OBP2B: variants seen among roughly 807,000 people sequenced by gnomAD.
OBP2B encodes the protein odorant binding protein 2B, also known as odorant-binding protein 2b.
Under a neutral mutation model 21.7 loss-of-function variants are expected in OBP2B, and 10 were observed. That is an observed-to-expected ratio of 0.46 (90% CI 0.28 to 0.78). OBP2B has a LOEUF of 0.78. Among genes scored for constraint, OBP2B ranks in the 30% least tolerant of loss-of-function variants. The probability of loss-of-function intolerance (pLI) is 0.11; values close to 1 mark genes in which losing one functional copy is unlikely to be tolerated. For missense variants in OBP2B, 153 were observed against 217.7 expected, an observed-to-expected ratio of 0.70 and a Z score of 1.87; for synonymous variants, 73 against 91.5, an observed-to-expected ratio of 0.80 and a Z score of 1.16.
At chr9:133,212,850 G>A (rs1163479335), upstream of OBP2B, among the ~76,000 whole-genome samples, 2 of 152,120 alleles carry the variant, frequency 1.3e-5, no homozygotes, top group African/African-American at 4.8e-5. Context: ...AGAATCACTT[G>A]AACCCGGGAG....
upstream of OBP2B, among the ~76,000 whole-genome samples, chr9:133,212,790 G>T (rs1449831480): frequency 3.3e-5 from 5 of 151,968 alleles, no homozygotes; most frequent in Non-Finnish European, 5.9e-5. Context: ...AACTAGCTGA[G>T]TGTGGTGGTG....
upstream of OBP2B, among the ~76,000 whole-genome samples, chr9:133,211,152 C>T (rs1164107426): frequency 6.6e-6 from 1 of 151,918 alleles, no homozygotes; most frequent in Admixed American, 6.6e-5. Context: ...GATGGCACCA[C>T]CAAACAAGCA....
the OBP2B span, among the ~76,000 whole-genome samples, chr9:133,218,770 G>A: frequency 1.3e-5 from 2 of 152,084 alleles, no homozygotes; most frequent in African/African-American, 4.8e-5. Flanking sequence ...CGGCGTGGAC[G>A]GGACACAGAT....
At position 133,208,463 on chromosome 9, in the gene OBP2B, A is replaced by G. The variant is rs1833816576; in HGVS notation, c.206+6T>C. 2 of 1,613,114 alleles carry G rather than the reference A, an allele frequency of 1.2e-6. No individual in the cohort carries two copies. Among genetic ancestry groups the G allele is most frequent in the Admixed American group, 1.7e-5 (1 of 59,944 alleles). On this transcript the variant is annotated splice_donor_region_variant and intron_variant, in intron 2 of 6. Coordinates refer to ENST00000372034, the MANE Select transcript of OBP2B (RefSeq NM_014581.4). ...CCTGAGGGGCCCTGCAGTGGGCAACACTCACATGAAGGTGAACGTGGCTTC... is the reference window on the plus strand; with the variant it reads ...CCTGAGGGGCCCTGCAGTGGGCAACGCTCACATGAAGGTGAACGTGGCTTC...
chr9:133,215,842 T>G, the OBP2B span, among the ~76,000 whole-genome samples: 1 of 152,238 alleles, frequency 6.6e-6, no homozygotes, highest in Non-Finnish European at 1.5e-5. Context: ...ATAGCTTTTG[T>G]AGCAAATGGG....
intron 4 of OBP2B, 85 bp from the exon 5 acceptor site, chr9:133,206,501 GCCCAGCACCAGGA>G: frequency 7.1e-6 from 11 of 1,560,146 alleles, no homozygotes; most frequent in Non-Finnish European, 9.6e-6. Context: ...GACGACCACG[GCCCAGCACCAGGA>G]CAGGGGGAGA....
upstream of OBP2B, among the ~76,000 whole-genome samples, chr9:133,210,518 C>A (rs1833895359): frequency 6.6e-6 from 1 of 152,018 alleles, no homozygotes; most frequent in Admixed American, 6.5e-5. Context: ...AGCAAACAGG[C>A]TGGAGTCTCT....
At chr9:133,221,683 T>A in the OBP2B span, among the ~76,000 whole-genome samples, 1 of 152,232 alleles carries the variant, frequency 6.6e-6, no homozygotes, top group Non-Finnish European at 1.5e-5. Flanking sequence ...CATCCTGGCC[T>A]TAGAATAATA....
At chr9:133,214,983 C>T in the OBP2B span, among the ~76,000 whole-genome samples, 191 of 152,266 alleles carry the variant, frequency 1.3e-3, no homozygotes, top group Non-Finnish European at 2.3e-3. Context: ...TCTGCATCTG[C>T]AGATGACATG....
the OBP2B span, among the ~76,000 whole-genome samples, chr9:133,222,641 T>C: frequency 2.6e-5 from 4 of 152,002 alleles, no homozygotes; most frequent in Admixed American, 2.0e-4. Context: ...GGCAGGAGAA[T>C]TGCTTGAACC....
upstream of OBP2B, among the ~76,000 whole-genome samples, chr9:133,212,503 T>C (rs782015860): frequency 5.9e-5 from 9 of 152,222 alleles, no homozygotes; most frequent in Non-Finnish European, 1.2e-4. Flanking sequence ...AATCTAACTA[T>C]AAATCAATGC....
the OBP2B span, among the ~76,000 whole-genome samples, chr9:133,216,925 A>G: frequency 1.1e-3 from 164 of 152,218 alleles, no homozygotes; most frequent in African/African-American, 3.8e-3. Flanking sequence ...GGAATCTACA[A>G]TGTCTCAGGG....
chr9:133,220,006 A>C, the OBP2B span, among the ~76,000 whole-genome samples: 1 of 152,262 alleles, frequency 6.6e-6, no homozygotes, highest in South Asian at 2.1e-4. Context: ...TAAGGGAAAG[A>C]AACCAGGCAT....
chr9:133,205,606 G>A, intron 6 of OBP2B, 195 bp from the exon 7 acceptor site: 1 of 605,816 alleles, frequency 1.7e-6, no homozygotes, highest in Non-Finnish European at 2.9e-6. Flanking sequence ...GTGGGGAGTG[G>A]ACCGCGTGGG....
the OBP2B span, among the ~76,000 whole-genome samples, chr9:133,216,970 A>C: frequency 2.0e-5 from 3 of 151,952 alleles, no homozygotes; most frequent in African/African-American, 7.2e-5. Context: ...AATAAGCATA[A>C]ATGCTTAAAA....
rs1236456201 is a variant in OBP2B at position 133,207,824 on chromosome 9, C to T, written c.277+309G>A. The T allele has an allele frequency of 2.1e-6, 3 of 1,462,800 alleles. No homozygotes were observed. The South Asian group carries it at 3.6e-5, about 18-fold the overall frequency. 90.6% of individuals were successfully genotyped at this position (1,462,800 alleles called of 1,614,324 possible). A position where few individuals can be genotyped will look rare whatever the true frequency, so the allele number is the denominator to read the frequency against. On this transcript the variant is annotated intron_variant, in intron 3 of 6. Coordinates refer to ENST00000372034, the MANE Select transcript of OBP2B (RefSeq NM_014581.4). ...ACCCTCAGCTTCCCCATCCCTAACCCTCAGCCTCCCCGTACCTAATCCTTG... is the reference window on the plus strand; with the variant it reads ...ACCCTCAGCTTCCCCATCCCTAACCTTCAGCCTCCCCGTACCTAATCCTTG...
upstream of OBP2B, among the ~76,000 whole-genome samples, chr9:133,212,236 A>T (rs1193742390): frequency 6.6e-6 from 1 of 152,252 alleles, no homozygotes; most frequent in Non-Finnish European, 1.5e-5. Flanking sequence ...CCACAATTAT[A>T]GTTGGAGACT....
chr9:133,222,270 C>T, the OBP2B span, among the ~76,000 whole-genome samples: 20 of 152,350 alleles, frequency 1.3e-4, no homozygotes, highest in South Asian at 8.3e-4. Context: ...GTGGCCCCAG[C>T]GCCCTAAATG....
the OBP2B span, among the ~76,000 whole-genome samples, chr9:133,222,730 CAAAA>C: frequency 6.6e-6 from 1 of 150,610 alleles, no homozygotes; most frequent in East Asian, 1.9e-4. Context: ...GACTCCAAAA[CAAAA>C]AAAAAGTGTC....
Sources: allele counts gnomAD v4.1 joint callset (sites outside exome capture counted in the v4.1 genomes callset), GRCh38; gene constraint gnomAD v4.1.1; transcripts MANE v1.5; gene names NCBI Gene and HGNC (gene_info 2026-07-23, HGNC 2026-07-21).